The following RTTN variants were observed in gnomAD, a reference collection of about 807,000 sequenced individuals.
RTTN encodes rotatin.
In RTTN, 182 loss-of-function variants were observed where a neutral mutation model predicts 269.2. The observed-to-expected ratio is 0.68, with a 90% confidence interval of 0.60 to 0.76. RTTN has a LOEUF of 0.76. Among genes scored for constraint, RTTN ranks in the 30% least tolerant of loss-of-function variants. RTTN has a pLI of 0.00. For synonymous variants in RTTN, 1,006 were observed against 963.5 expected, an observed-to-expected ratio of 1.04 and a Z score of -0.82; for missense variants, 2,545 against 2,608.6, an observed-to-expected ratio of 0.98 and a Z score of 0.53.
chr18:70,148,809 C>A (rs1442135204), intron 17 of RTTN, 92 bp downstream of exon 17: 8 of 1,487,122 alleles, frequency 5.4e-6, no homozygotes, highest in South Asian at 4.9e-5. Flanking sequence ...CTTAAAAATT[C>A]TTTAGTTTTG....
rs1421920938 is a variant in RTTN, at chr18:70,028,737, T to C, written c.5810A>G (p.Asn1937Ser). The change falls in exon 43 of 49, where the codon AAT (asparagine) becomes AGT (serine). Residue 1937 changes from asparagine (N) to serine (S), a missense_variant. Transcript: ENST00000640769. ...MQLLRNCLYQ[N>S]EECKEAALEA... ...AGTTCTACTTACTTTACATTCCTCA[T>C]TTTGATAAAGACAGTTTCTTAGGAG... 3.7e-6 allele frequency: 6 copies of C among 1,607,472 alleles called. No individual in the cohort carries two copies. In the Admixed American group the frequency reaches 8.4e-5, roughly 22 times the overall value.
rs549728595 is a variant in RTTN at position 70,179,303 on chromosome 18, T to C, written c.1306-2458A>G. ...CAGTATTTCTCCATGAAAACAGTAC[T>C]AGGAACAACATCTCTATTATTCAAG... is the stretch of plus-strand genomic sequence containing the variant. On this transcript the variant is annotated intron_variant, in intron 10 of 48. Coordinates refer to ENST00000640769, the MANE Select transcript of RTTN (RefSeq NM_173630.4). Among the ~76,000 whole-genome samples the C allele has an allele frequency of 2.0e-4, 30 of 152,332 alleles. No homozygotes were observed. The South Asian group carries it at 2.7e-3, about 14-fold the overall frequency.
chr18:70,143,467 C>A (rs1385961475), intron 18 of RTTN, among the ~76,000 whole-genome samples: 1 of 152,102 alleles, frequency 6.6e-6, no homozygotes, highest in East Asian at 1.9e-4. Context: ...AAGCCGGAGG[C>A]CATTATCCTT....
At chr18:70,198,557 A>G (rs2061870108) in intron 5 of RTTN, among the ~76,000 whole-genome samples, 1 of 152,214 alleles carries the variant, frequency 6.6e-6, no homozygotes, top group Non-Finnish European at 1.5e-5. Flanking sequence ...AAAAAAGCAG[A>G]TAACTCGTGT....
rs766183356 is a variant in RTTN at position 70,163,069 on chromosome 18, T to TTAAAAAA, written c.1929+2992_1929+2993insTTTTTTA. On this transcript the variant is annotated intron_variant, in intron 14 of 48. Transcript: ENST00000640769. ...CACCCATTAGGATGGTTACTATTAT[T>TTAAAAAA]AAAAAAAAAAAAAAAAAAAAAAAAA... 7.2e-4 allele frequency among the ~76,000 whole-genome samples: 41 copies of TTAAAAAA among 56,984 alleles called. 2 individuals are homozygous for TTAAAAAA. In the South Asian group the frequency reaches 0.012, roughly 17 times the overall value. The allele number at this position is 56,984 out of a possible 152,430, so 37.4% of individuals were successfully genotyped here.
intron 34 of RTTN, among the ~76,000 whole-genome samples, chr18:70,067,054 T>A (rs2058154632): frequency 6.6e-6 from 1 of 151,940 alleles, no homozygotes; most frequent in Admixed American, 6.6e-5. Context: ...AAAAAGTAAA[T>A]CTGGAAAAAA....
At chr18:70,137,033 G>GA (rs201151860) in intron 21 of RTTN, among the ~76,000 whole-genome samples, 2,689 of 152,120 alleles carry the variant, frequency 0.018, 56 homozygotes, top group Middle Eastern at 0.054. Context: ...TGTGTATGTA[G>GA]AAAAAATCAT....
rs2056991522 is a variant in RTTN, at chr18:70,030,868, T to A, written c.5647+8A>T. 2.6e-5 allele frequency: 41 copies of A among 1,600,796 alleles called. No homozygotes were observed. Among genetic ancestry groups the A allele is most frequent in the Non-Finnish European group, 3.5e-5 (41 of 1,171,072 alleles). ...CCATCAAAACAGCTGATGTGTCATG[T>A]GGCTCACCTTTCAAAGCATGTTTCT... On this transcript the variant is annotated splice_region_variant and intron_variant, in intron 41 of 48. Coordinates refer to ENST00000640769, the MANE Select transcript of RTTN (RefSeq NM_173630.4).
At chr18:70,101,670 G>C (rs1201646087) in intron 28 of RTTN, among the ~76,000 whole-genome samples, 1 of 152,074 alleles carries the variant, frequency 6.6e-6, no homozygotes, top group East Asian at 1.9e-4. Context: ...TGTGATGTTA[G>C]GGTGTCAATT....
intron 28 of RTTN, among the ~76,000 whole-genome samples, chr18:70,095,902 C>A (rs888031542): frequency 5.3e-5 from 8 of 152,036 alleles, no homozygotes; most frequent in African/African-American, 1.9e-4. Flanking sequence ...CCAATTTGGT[C>A]CATTCTCCCT....
At chr18:70,048,268 T>A in intron 39 of RTTN, 80 bp from the exon 40 acceptor site, 1 of 1,284,600 alleles carries the variant, frequency 7.8e-7, no homozygotes, top group Non-Finnish European at 1.1e-6. Context: ...GATTTTAAAG[T>A]AACTATACTC....
In RTTN at chr18:70,121,711, A is replaced by C. The variant is rs2059743040; in HGVS notation, c.3384-11T>G. The stretch of plus-strand genomic sequence containing the variant: ...AGCACCTGTAAAAACCTATAATGAA[A>C]AGACAATAATCATGGTTTCTGGCGC... On this transcript the variant is annotated splice_polypyrimidine_tract_variant and intron_variant, in intron 25 of 48. Coordinates refer to ENST00000640769, the MANE Select transcript of RTTN (RefSeq NM_173630.4). 1.3e-6 allele frequency: 2 copies of C among 1,530,304 alleles called. No homozygotes were observed. The highest frequency in any genetic ancestry group is 4.7e-5 in the Admixed American group (2 of 42,114). The allele number at this position is 1,530,304 out of a possible 1,614,324, so 94.8% of individuals were successfully genotyped here. A position where few individuals can be genotyped will look rare whatever the true frequency, so the allele number is the denominator to read the frequency against.
At chr18:70,050,743 TA>T (rs1156342847) in intron 39 of RTTN, among the ~76,000 whole-genome samples, 1 of 151,948 alleles carries the variant, frequency 6.6e-6, no homozygotes, top group African/African-American at 2.4e-5. Flanking sequence ...TATGCAGCCA[TA>T]AAAAAAGAAT....
intron 40 of RTTN, among the ~76,000 whole-genome samples, chr18:70,037,169 C>T (rs1193795781): frequency 6.6e-6 from 1 of 152,162 alleles, no homozygotes; most frequent in Non-Finnish European, 1.5e-5. Flanking sequence ...GCTCTGGGGT[C>T]CTAGGTAAAC....
At chr18:70,033,993 C>G (rs2057096253) in intron 40 of RTTN, among the ~76,000 whole-genome samples, 1 of 152,034 alleles carries the variant, frequency 6.6e-6, no homozygotes, top group Non-Finnish European at 1.5e-5. Flanking sequence ...TATATCCTCC[C>G]AAGACTGAAC....
intron 35 of RTTN, among the ~76,000 whole-genome samples, chr18:70,065,421 T>C (rs1282042793): frequency 2.0e-5 from 3 of 152,150 alleles, no homozygotes; most frequent in African/African-American, 4.8e-5. Flanking sequence ...AAAGACTCAA[T>C]ACATTTTATG....
chr18:70,031,713 A>G (rs2057017288), intron 40 of RTTN, among the ~76,000 whole-genome samples: 1 of 151,342 alleles, frequency 6.6e-6, no homozygotes, highest in Non-Finnish European at 1.5e-5. Context: ...CCAACTAGAT[A>G]CAGCCAGGAG....
rs1236072280 is a variant in RTTN, at chr18:70,197,747, C to T, written c.579-9G>A. The T allele has an allele frequency of 1.3e-6, 2 of 1,499,600 alleles. No individual in the cohort carries two copies. The highest frequency in any genetic ancestry group is 2.3e-5 in the East Asian group (1 of 44,268). The allele number at this position is 1,499,600 out of a possible 1,614,324, so 92.9% of individuals were successfully genotyped here. On this transcript the variant is annotated splice_polypyrimidine_tract_variant and intron_variant, in intron 5 of 48. Coordinates refer to ENST00000640769, the MANE Select transcript of RTTN (RefSeq NM_173630.4). ...TACTACTTCTTAAAGAGCTACAAAA[C>T]ATAGCGTTAATCATTTTTAAGAAGA...
Position 70,172,988 on chromosome 18 carries a change from T to G in RTTN, c.1476+3687A>C, listed in dbSNP as rs548848891. ...TCCTTTCTTAAGAGACTGGAATTCT[T>G]CCATTCTTGATGCTTATGCCTTGAA... On this transcript the variant is annotated intron_variant, in intron 11 of 48. Coordinates refer to ENST00000640769, the MANE Select transcript of RTTN (RefSeq NM_173630.4). 6.6e-5 allele frequency among the ~76,000 whole-genome samples: 10 copies of G among 152,334 alleles called. No homozygotes were observed. The South Asian group carries it at 1.2e-3, about 19-fold the overall frequency.
Sources: gnomAD v4.1 joint callset for allele counts (sites outside exome capture counted in the v4.1 genomes callset) on GRCh38, gnomAD v4.1.1 for gene constraint, MANE v1.5 for transcripts, NCBI Gene and HGNC (gene_info 2026-07-23, HGNC 2026-07-21) for gene names.